HDAC9: variants seen among roughly 807,000 people sequenced by gnomAD.
The protein encoded by HDAC9 is histone deacetylase 9, also known as MEF-2 interacting transcription repressor (MITR) protein.
Under a neutral mutation model 139.4 loss-of-function variants are expected in HDAC9, and 41 were observed. The observed-to-expected ratio is 0.29, with a 90% CI of 0.23 to 0.38. The LOEUF (loss-of-function observed/expected upper bound fraction) is 0.38. HDAC9 is among the 10% of genes least tolerant of loss of function. The pLI is 1.00. For synonymous variants in HDAC9, 517 were observed against 476.2 expected, an observed-to-expected ratio of 1.09 and a Z score of -1.12; for missense variants, 1,147 against 1,297.0, an observed-to-expected ratio of 0.88 and a Z score of 1.78.
chr7:18,212,114 C>T (rs1015872498), intron 2 of HDAC9, among the ~76,000 whole-genome samples: 7 of 152,062 alleles, frequency 4.6e-5, no homozygotes, highest in African/African-American at 1.7e-4. Context: ...TGTTTCTGTC[C>T]AGCACCTATG....
intron 1 of HDAC9, among the ~76,000 whole-genome samples, chr7:18,303,403 GTGTGTGTGTGTGTGTGTGTGTT>G (rs1332723739): frequency 2.1e-5 from 3 of 141,194 alleles, no homozygotes; most frequent in African/African-American, 5.5e-5. Flanking sequence ...GTGTGTGTGT[GTGTGTGTGTGTGTGTGTGTGTT>G]TTTAGTAGAG....
chr7:18,656,198 C>T (rs571893794), intron 11 of HDAC9, among the ~76,000 whole-genome samples: 3 of 152,142 alleles, frequency 2.0e-5, no homozygotes, highest in African/African-American at 7.2e-5. Flanking sequence ...ATTCCTCTTC[C>T]TGCAGGCAGA....
chr7:18,904,572 C>CT (rs71017010), intron 22 of HDAC9, among the ~76,000 whole-genome samples: 1,393 of 71,954 alleles, frequency 0.019, 121 homozygotes, highest in African/African-American at 0.076. Context: ...CTCCCCATTT[C>CT]TTTTTTTTTT....
rs1046615094 is a variant in HDAC9, at chr7:18,526,150, A to G, written c.22+29826A>G. Among the ~76,000 whole-genome samples, 5 of 152,224 alleles carry G rather than the reference A, an allele frequency of 3.3e-5. No individual in the cohort carries two copies. The East Asian group carries it at 9.6e-4, about 29-fold the overall frequency. On this transcript the variant is annotated intron_variant, in intron 2 of 25. Transcript: ENST00000686413. ...TTGAAATAATTTAATAAGTCTGCAT[A>G]ATGGATTATCACATGAGCTTTGTAA...
At chr7:18,944,484 T>G (rs1468443154) in intron 23 of HDAC9, among the ~76,000 whole-genome samples, 1 of 152,204 alleles carries the variant, frequency 6.6e-6, no homozygotes, top group East Asian at 1.9e-4. Flanking sequence ...AGATCTAGAC[T>G]TTGTTTCCCT....
chr7:18,509,245 G>A, intron 2 of HDAC9: 1 of 984,298 alleles, frequency 1.0e-6, no homozygotes, highest in Non-Finnish European at 1.2e-6. Flanking sequence ...TTAGAATAGA[G>A]CAGGAAGTGT....
At chr7:18,095,504 CAT>C (rs1379497646) in intron 1 of HDAC9, among the ~76,000 whole-genome samples, 2 of 152,080 alleles carry the variant, frequency 1.3e-5, no homozygotes, top group Non-Finnish European at 2.9e-5. Context: ...GCTAGAGATT[CAT>C]AGTCTCCCAC....
intron 1 of HDAC9, among the ~76,000 whole-genome samples, chr7:18,336,336 CTT>C (rs1781581998): frequency 6.6e-6 from 1 of 151,610 alleles, no homozygotes; most frequent in Non-Finnish European, 1.5e-5. Context: ...TAACCTCTCT[CTT>C]TGTGTCCCAT....
intron 22 of HDAC9, among the ~76,000 whole-genome samples, chr7:18,882,201 T>C (rs572485324): frequency 9.9e-5 from 15 of 152,156 alleles, no homozygotes; most frequent in Non-Finnish European, 1.8e-4. Context: ...ATAATTTTTT[T>C]TCTTTTTTGC....
chr7:18,136,347 CT>C (rs1378178719), intron 1 of HDAC9, among the ~76,000 whole-genome samples: 1 of 152,092 alleles, frequency 6.6e-6, no homozygotes, highest in Non-Finnish European at 1.5e-5. Context: ...GTTGCCATTG[CT>C]TTTGGTGTTT....
chr7:18,857,335 T>TTGTGTG (rs375575248), intron 21 of HDAC9, among the ~76,000 whole-genome samples: 4,431 of 140,794 alleles, frequency 0.031, 86 homozygotes, highest in Middle Eastern at 0.045. Flanking sequence ...TATGTTTTAG[T>TTGTGTG]TGTGTGTGTG....
At chr7:18,704,768 T>G (rs1170089148) in intron 12 of HDAC9, among the ~76,000 whole-genome samples, 1 of 152,138 alleles carries the variant, frequency 6.6e-6, no homozygotes, top group East Asian at 1.9e-4. Flanking sequence ...GATAATAATT[T>G]TTAAAAATAG....
chr7:18,717,619 T>G (rs565098525), intron 12 of HDAC9, among the ~76,000 whole-genome samples: 102 of 152,130 alleles, frequency 6.7e-4, no homozygotes, highest in African/African-American at 2.4e-3. Flanking sequence ...TTAGTGGAGA[T>G]GGGATTTCCC....
chr7:18,345,225 T>G (rs1419099356), intron 1 of HDAC9, among the ~76,000 whole-genome samples: 1 of 151,984 alleles, frequency 6.6e-6, no homozygotes, highest in East Asian at 1.9e-4. Flanking sequence ...TTTTCTTTCT[T>G]CTAGATAATG....
chr7:18,392,280 C>G (rs1185477177), intron 1 of HDAC9, among the ~76,000 whole-genome samples: 5 of 145,736 alleles, frequency 3.4e-5, no homozygotes, highest in African/African-American at 5.3e-5. Flanking sequence ...GTCACTCTCT[C>G]TCTCTCTCTG....
chr7:18,447,650 T>A (rs1027307926), intron 1 of HDAC9, among the ~76,000 whole-genome samples: 2 of 152,212 alleles, frequency 1.3e-5, no homozygotes, highest in African/African-American at 4.8e-5. Flanking sequence ...TATTCAGAGT[T>A]TTTGTTAACT....
chr7:18,885,937 C>T (rs1482817464), intron 22 of HDAC9, among the ~76,000 whole-genome samples: 1 of 152,102 alleles, frequency 6.6e-6, no homozygotes, highest in Non-Finnish European at 1.5e-5. Context: ...TATTCTCAAG[C>T]AAGTACATGG....
At chr7:18,648,712 C>G (rs1788241166) in intron 11 of HDAC9, 29 bp downstream of exon 11, 10 of 1,578,256 alleles carry the variant, frequency 6.3e-6, no homozygotes, top group Non-Finnish European at 8.6e-6. Flanking sequence ...TCAAAATGTT[C>G]TAACCGCCAG....
intron 6 of HDAC9, among the ~76,000 whole-genome samples, chr7:18,619,859 C>A (rs1357108239): frequency 6.6e-6 from 1 of 152,164 alleles, no homozygotes; most frequent in Non-Finnish European, 1.5e-5. Flanking sequence ...CTGCATAGAA[C>A]TGCACTTCTC....
Sources: gnomAD v4.1 joint callset for allele counts (sites outside exome capture counted in the v4.1 genomes callset) on GRCh38, gnomAD v4.1.1 for gene constraint, MANE v1.5 for transcripts, NCBI Gene and HGNC (gene_info 2026-07-23, HGNC 2026-07-21) for gene names.